ADARB2: variants seen among roughly 807,000 people sequenced by gnomAD.
The protein encoded by ADARB2 is adenosine deaminase RNA specific B2 (inactive).
Under a neutral mutation model 62.2 loss-of-function variants are expected in ADARB2, and 25 were observed. That is an observed-to-expected ratio of 0.40 (90% CI 0.29 to 0.56). ADARB2 has a LOEUF of 0.56. ADARB2 is among the 20% of genes least tolerant of loss of function. The pLI is 0.43. For synonymous variants in ADARB2, 572 were observed against 500.8 expected (o/e 1.14, Z -1.90); for missense variants, 1,071 against 1,077.4 (o/e 0.99, Z 0.08).
At chr10:1,577,102 G>A (rs1833031607) in intron 1 of ADARB2, among the ~76,000 whole-genome samples, 1 of 152,188 alleles carries the variant, frequency 6.6e-6, no homozygotes, top group African/African-American at 2.4e-5. Flanking sequence ...ACCTTGTAGA[G>A]CCCTAGGCCT....
rs541339075 is a variant in ADARB2, at chr10:1,525,534, A to G, written c.101-146374T>C. 5.3e-5 allele frequency among the ~76,000 whole-genome samples: 8 copies of G among 152,158 alleles called. No homozygotes were observed. In the East Asian group the frequency reaches 1.5e-3, roughly 29 times the overall value. On this transcript the variant is annotated intron_variant, in intron 1 of 9. Transcript: ENST00000381312. The stretch of plus-strand genomic sequence containing the variant: ...GGTATCTAGGGGGCCTTTTCAGTTC[A>G]AAGTACATCAGCAGCCCGACGCTGG...
At chr10:1,388,287 G>A (rs11818628) in intron 1 of ADARB2, among the ~76,000 whole-genome samples, 15 of 152,212 alleles carry the variant, frequency 9.9e-5, no homozygotes, top group Non-Finnish European at 1.5e-4. Flanking sequence ...ATTTAATGAC[G>A]AAAGAGTGAA....
chr10:1,207,521 G>A (rs886903921), intron 7 of ADARB2, among the ~76,000 whole-genome samples: 30 of 152,196 alleles, frequency 2.0e-4, no homozygotes, highest in Non-Finnish European at 1.5e-4. Context: ...GGAGGAAGGC[G>A]TCAGAATTGT....
At chr10:1,645,845 T>C (rs911110648) in intron 1 of ADARB2, among the ~76,000 whole-genome samples, 1 of 152,234 alleles carries the variant, frequency 6.6e-6, no homozygotes, top group African/African-American at 2.4e-5. Flanking sequence ...GACATCCCTT[T>C]TTCATCCGTC....
intron 1 of ADARB2, among the ~76,000 whole-genome samples, chr10:1,662,713 A>T (rs2119090390): frequency 6.6e-6 from 1 of 152,340 alleles, no homozygotes; most frequent in South Asian, 2.1e-4. Flanking sequence ...AGAGGACAGC[A>T]GGGAGGAGTC....
At chr10:1,608,613 A>G (rs1260182463) in intron 1 of ADARB2, among the ~76,000 whole-genome samples, 1 of 151,036 alleles carries the variant, frequency 6.6e-6, no homozygotes, top group African/African-American at 2.4e-5. Context: ...GAAGGAAGAA[A>G]GGAAGAAAAA....
At chr10:1,330,890 A>G (rs1045121962) in intron 3 of ADARB2, among the ~76,000 whole-genome samples, 1 of 152,254 alleles carries the variant, frequency 6.6e-6, no homozygotes, top group African/African-American at 2.4e-5. Flanking sequence ...ATGTCTGATA[A>G]TGGTATGATA....
chr10:1,246,925 G>A (rs1245052570), intron 4 of ADARB2, among the ~76,000 whole-genome samples: 1 of 152,010 alleles, frequency 6.6e-6, no homozygotes, highest in Non-Finnish European at 1.5e-5. Flanking sequence ...ACCTTGGGCA[G>A]TATGGCCATT....
intron 4 of ADARB2, among the ~76,000 whole-genome samples, chr10:1,266,152 A>C (rs952687866): frequency 3.9e-5 from 6 of 152,328 alleles, no homozygotes; most frequent in East Asian, 3.9e-4. Flanking sequence ...GACACGGTCC[A>C]CGCCCTCTGA....
chr10:1,662,336 G>A lies in ADARB2; in HGVS notation c.100+74715C>T, dbSNP rs144532944. Among the ~76,000 whole-genome samples, 926 of 152,222 alleles carry A rather than the reference G, an allele frequency of 6.1e-3. 6 individuals carry two copies. Among genetic ancestry groups the A allele is most frequent in the Non-Finnish European group, 9.9e-3 (670 of 68,002 alleles). ...GGAGAGGAGATGGGCCTCCATCCTCGGCCTCAGGAACTGAATTCAGCCAGC... is the reference window on the plus strand; with the variant it reads ...GGAGAGGAGATGGGCCTCCATCCTCAGCCTCAGGAACTGAATTCAGCCAGC... On this transcript the variant is annotated intron_variant, in intron 1 of 9. Transcript: ENST00000381312.
At chr10:1,471,139 G>A (rs1020241409) in intron 1 of ADARB2, among the ~76,000 whole-genome samples, 1 of 152,168 alleles carries the variant, frequency 6.6e-6, no homozygotes, top group Admixed American at 6.6e-5. Context: ...CACAGGGGTG[G>A]TTTTTTCAAC....
rs1564257816 is a variant in ADARB2 at position 1,326,815 on chromosome 10, TCCCCACG to T, written c.1077+36206_1077+36212del. Among the ~76,000 whole-genome samples the T allele has an allele frequency of 2.6e-3, 297 of 112,842 alleles. 49 individuals are homozygous for T. The highest frequency in any genetic ancestry group is 9.2e-3 in the African/African-American group (272 of 29,446). The allele number at this position is 112,842 out of a possible 152,430, so 74.0% of individuals were successfully genotyped here. On this transcript the variant is annotated intron_variant, in intron 3 of 9. Coordinates refer to ENST00000381312, the MANE Select transcript of ADARB2 (RefSeq NM_018702.4). The stretch of plus-strand genomic sequence containing the variant: ...CAGCGCCTCCCCACGGCCCAGCGCC[TCCCCACG>T]GCCCAGCGCCTCCCCACGGCCCAGC...
chr10:1,270,371 C>T (rs757440509), intron 4 of ADARB2, among the ~76,000 whole-genome samples: 4 of 152,114 alleles, frequency 2.6e-5, no homozygotes, highest in Non-Finnish European at 5.9e-5. Context: ...GGTCATTACA[C>T]ACTCGTGAAA....
At chr10:1,312,908 G>A (rs752721619) in intron 3 of ADARB2, among the ~76,000 whole-genome samples, 5 of 152,168 alleles carry the variant, frequency 3.3e-5, no homozygotes, top group Admixed American at 6.5e-5. Context: ...TGTGTGTTTC[G>A]CCATCTTTTT....
intron 1 of ADARB2, among the ~76,000 whole-genome samples, chr10:1,559,304 A>T (rs2676739): frequency 6.6e-6 from 1 of 152,012 alleles, no homozygotes; most frequent in East Asian, 1.9e-4. Flanking sequence ...GGCTGTGATC[A>T]CTGGCTCTTG....
intron 3 of ADARB2, among the ~76,000 whole-genome samples, chr10:1,297,863 C>T (rs1186693601): frequency 2.0e-5 from 3 of 152,216 alleles, no homozygotes; most frequent in Non-Finnish European, 4.4e-5. Flanking sequence ...GGATCCCCAG[C>T]CATGGCTGGA....
intron 3 of ADARB2, among the ~76,000 whole-genome samples, chr10:1,339,308 C>A (rs1280652258): frequency 6.6e-6 from 1 of 152,256 alleles, no homozygotes; most frequent in African/African-American, 2.4e-5. Context: ...GTGCATCCTG[C>A]ACCTTGCATT....
At chr10:1,541,009 TCACAG>T (rs1195925094) in intron 1 of ADARB2, among the ~76,000 whole-genome samples, 2 of 47,064 alleles carry the variant, frequency 4.2e-5, no homozygotes, top group Admixed American at 2.4e-4. Flanking sequence ...AGACCCTGGA[TCACAG>T]CCGTCCAGAC....
intron 1 of ADARB2, among the ~76,000 whole-genome samples, chr10:1,559,005 G>A (rs1227922959): frequency 6.6e-6 from 1 of 152,248 alleles, no homozygotes; most frequent in African/African-American, 2.4e-5. Context: ...GTCTGGCACT[G>A]CTTTTGAGGC....
Sources: gnomAD v4.1 joint callset for allele counts (sites outside exome capture counted in the v4.1 genomes callset) on GRCh38, gnomAD v4.1.1 for gene constraint, MANE v1.5 for transcripts, NCBI Gene and HGNC (gene_info 2026-07-23, HGNC 2026-07-21) for gene names.